GRID2: variants seen among roughly 807,000 people sequenced by gnomAD.
GRID2 encodes glutamate receptor ionotropic, delta-2.
In GRID2, 33 loss-of-function variants were observed where a neutral mutation model predicts 114.8. The ratio of observed to expected loss-of-function variants is 0.29; its 90% CI spans 0.22 to 0.38. GRID2 has a LOEUF of 0.38. Among genes scored for constraint, GRID2 ranks in the 10% least tolerant of loss-of-function variants. The pLI, the probability that GRID2 is intolerant of heterozygous loss-of-function variation, is 1.00. For missense variants in GRID2, 1,184 were observed against 1,257.7 expected (o/e 0.94, Z 0.89); for synonymous variants, 505 against 449.9 (o/e 1.12, Z -1.55).
At chr4:92,575,768 C>T (rs748514610) in intron 1 of GRID2, among the ~76,000 whole-genome samples, 42 of 152,266 alleles carry the variant, frequency 2.8e-4, no homozygotes, top group African/African-American at 3.8e-4. Context: ...TTAGGGCTCT[C>T]GAAGGCCCAC....
intron 11 of GRID2, among the ~76,000 whole-genome samples, chr4:93,468,844 T>A (rs1194396024): frequency 6.6e-6 from 1 of 152,254 alleles, no homozygotes; most frequent in African/African-American, 2.4e-5. Context: ...CTGGCATATT[T>A]GAGGATTTAA....
At chr4:93,270,990 C>A (rs1269088075) in intron 8 of GRID2, among the ~76,000 whole-genome samples, 1 of 152,000 alleles carries the variant, frequency 6.6e-6, no homozygotes, top group African/African-American at 2.4e-5. Flanking sequence ...TTTTTCATAC[C>A]TGGAAAATTT....
intron 2 of GRID2, among the ~76,000 whole-genome samples, chr4:92,624,656 G>A (rs2149241385): frequency 6.6e-6 from 1 of 151,738 alleles, no homozygotes; most frequent in Admixed American, 6.6e-5. Context: ...TCGAATGTTT[G>A]AAAACAAGGC....
At chr4:92,762,161 C>A (rs372697272) in intron 2 of GRID2, among the ~76,000 whole-genome samples, 13 of 152,108 alleles carry the variant, frequency 8.5e-5, no homozygotes, top group South Asian at 2.1e-4. Flanking sequence ...GATCCACCCC[C>A]CTCAGCCTCC....
intron 4 of GRID2, among the ~76,000 whole-genome samples, chr4:93,173,125 T>C (rs1025430505): frequency 3.3e-5 from 5 of 152,166 alleles, no homozygotes; most frequent in South Asian, 2.1e-4. Flanking sequence ...TTTATTTATA[T>C]GTATAATTAG....
At chr4:93,380,540 C>G (rs528621503) in intron 8 of GRID2, among the ~76,000 whole-genome samples, 26 of 151,384 alleles carry the variant, frequency 1.7e-4, no homozygotes, top group African/African-American at 5.8e-4. Flanking sequence ...TGAAATTCCA[C>G]AAAATGCAAG....
chr4:93,602,612 C>T (rs1274160865), intron 13 of GRID2, among the ~76,000 whole-genome samples: 1 of 152,210 alleles, frequency 6.6e-6, no homozygotes, highest in Admixed American at 6.5e-5. Flanking sequence ...TGATGGCTAA[C>T]TTAATCAGTA....
intron 2 of GRID2, among the ~76,000 whole-genome samples, chr4:92,809,326 G>A (rs1241055706): frequency 1.3e-5 from 2 of 151,718 alleles, no homozygotes; most frequent in Admixed American, 1.3e-4. Context: ...AAATTCTGAG[G>A]GAACTATTGT....
In GRID2 at chr4:93,316,311, A is replaced by C. The variant is rs377032176; in HGVS notation, c.1245+77821A>C. On this transcript the variant is annotated intron_variant, in intron 8 of 15. Transcript: ENST00000282020. The stretch of plus-strand genomic sequence containing the variant: ...AAGAACGAAAGAAAGAAAGAAAGAA[A>C]GAAAGAAAGAAAGAAAGAAAGAAAG... Among the ~76,000 whole-genome samples the C allele has an allele frequency of 1.6e-3, 150 of 93,750 alleles. 2 individuals are homozygous for C. Among genetic ancestry groups the C allele is most frequent in the African/African-American group, 8.8e-3 (128 of 14,588 alleles). The allele number at this position is 93,750 out of a possible 152,430, so 61.5% of individuals were successfully genotyped here.
rs537939703 is a variant in GRID2 at position 93,021,890 on chromosome 4, T to C, written c.245-63105T>C. On this transcript the variant is annotated intron_variant, in intron 2 of 15. Transcript: ENST00000282020. ...ATTATTTTGTAAATGATAAAATTTTTAAAAACCAAAGCTTTTATAGCTTCA... is the reference window on the plus strand; with the variant it reads ...ATTATTTTGTAAATGATAAAATTTTCAAAAACCAAAGCTTTTATAGCTTCA... Among the ~76,000 whole-genome samples, 4 of 149,338 alleles carry C rather than the reference T, an allele frequency of 2.7e-5. No individual in the cohort carries two copies. In the South Asian group the frequency reaches 8.3e-4, roughly 31 times the overall value.
chr4:92,439,454 G>A (rs1732908373), intron 1 of GRID2, among the ~76,000 whole-genome samples: 1 of 152,088 alleles, frequency 6.6e-6, no homozygotes, highest in South Asian at 2.1e-4. Context: ...TAATGTTAAA[G>A]TGTTGGGGTG....
intron 2 of GRID2, among the ~76,000 whole-genome samples, chr4:92,748,632 GTATTATTATTATTAT>G (rs10673614): frequency 8.6e-4 from 118 of 137,758 alleles, no homozygotes; most frequent in East Asian, 8.5e-3. Context: ...TAATTAAATT[GTATTATTATTATTAT>G]TATTATTATT....
intron 8 of GRID2, among the ~76,000 whole-genome samples, chr4:93,317,620 G>A (rs1280296283): frequency 6.6e-6 from 1 of 152,000 alleles, no homozygotes; most frequent in East Asian, 1.9e-4. Flanking sequence ...CTGCAATGCT[G>A]CATTTAATTT....
chr4:93,131,145 A>ATTTTTTTTTTTTTTTTTTTTGTTTTTT (rs1734758873), intron 4 of GRID2, among the ~76,000 whole-genome samples: 1 of 88,748 alleles, frequency 1.1e-5, no homozygotes, highest in East Asian at 3.7e-4. Flanking sequence ...AGATTAAATA[A>ATTTTTTTTTTTTTTTTTTTTGTTTTTT]TTTTTTTTTT....
chr4:92,426,265 AAC>A (rs1732152464), intron 1 of GRID2, among the ~76,000 whole-genome samples: 1 of 152,172 alleles, frequency 6.6e-6, no homozygotes, highest in Non-Finnish European at 1.5e-5. Context: ...TACCTAGAAT[AAC>A]ACAAATTCCT....
intron 14 of GRID2, among the ~76,000 whole-genome samples, chr4:93,741,924 C>CAAA (rs34316739): frequency 6.6e-5 from 7 of 106,402 alleles, no homozygotes; most frequent in Admixed American, 9.6e-5. Flanking sequence ...GACTCTGTCT[C>CAAA]AAAAAAAAAA....
Position 93,424,374 on chromosome 4 carries a change from G to A in GRID2, c.1545+1406G>A, listed in dbSNP as rs76238254. ...CTTGAAGTGCAGGGCTACGTAGGTA[G>A]CATATACTCTCAACTTTTGTTTACC... On this transcript the variant is annotated intron_variant, in intron 10 of 15. Coordinates refer to ENST00000282020, the MANE Select transcript of GRID2 (RefSeq NM_001510.4). 2.2e-3 allele frequency among the ~76,000 whole-genome samples: 334 copies of A among 152,174 alleles called. 1 individual carries two copies. The highest frequency in any genetic ancestry group is 7.9e-3 in the African/African-American group (328 of 41,538).
At position 92,867,536 on chromosome 4, in the gene GRID2, T is replaced by A. The variant is rs145584922; in HGVS notation, c.245-217459T>A. On this transcript the variant is annotated intron_variant, in intron 2 of 15. Transcript: ENST00000282020. ...CAGTCAAAAATGGTAATTGAGCAAG[T>A]GATTATGGAACCCCTGAATGCAGAG... Among the ~76,000 whole-genome samples the A allele has an allele frequency of 8.6e-5, 13 of 151,978 alleles. No individual in the cohort carries two copies. The East Asian group carries it at 2.5e-3, about 29-fold the overall frequency.
In GRID2 at chr4:92,415,057, G is replaced by T. The variant is rs546279621; in HGVS notation, c.88+110313G>T. ...TTTTTGAAAAAGAACAAGATAAATT[G>T]TCATCTTAAACCCATAACATTAAGT... is the stretch of plus-strand genomic sequence containing the variant. On this transcript the variant is annotated intron_variant, in intron 1 of 15. Coordinates refer to ENST00000282020, the MANE Select transcript of GRID2 (RefSeq NM_001510.4). Among the ~76,000 whole-genome samples, 4 of 151,912 alleles carry T rather than the reference G, an allele frequency of 2.6e-5. No individual in the cohort carries two copies. The South Asian group carries it at 6.2e-4, about 24-fold the overall frequency.
Sources: gnomAD v4.1 joint callset for allele counts (sites outside exome capture counted in the v4.1 genomes callset) on GRCh38, gnomAD v4.1.1 for gene constraint, MANE v1.5 for transcripts, NCBI Gene and HGNC (gene_info 2026-07-23, HGNC 2026-07-21) for gene names.